MATR3: variants seen among roughly 807,000 people sequenced by gnomAD.
MATR3 encodes the protein matrin-3.
A neutral mutation model predicts 85.5 loss-of-function variants in MATR3; 4 were observed. The ratio of observed to expected loss-of-function variants is 0.05; its 90% CI spans 0.02 to 0.11. MATR3 has a LOEUF of 0.11. Among genes scored for constraint, MATR3 ranks in the 10% least tolerant of loss-of-function variants. The probability of loss-of-function intolerance (pLI) is 1.00; values close to 1 mark genes in which losing one functional copy is unlikely to be tolerated. For missense variants in MATR3, 685 were observed against 1,016.1 expected, an observed-to-expected ratio of 0.67 and a Z score of 4.43; for synonymous variants, 336 against 343.1, an observed-to-expected ratio of 0.98 and a Z score of 0.23.
chr5:139,278,232 A>T lies in MATR3; in HGVS notation c.-256-819A>T, dbSNP rs111877683. On this transcript the variant is annotated intron_variant, in intron 2 of 16. Coordinates refer to ENST00000509990, the Ensembl canonical transcript of MATR3. Reference sequence around the variant, plus strand: ...GACAGAGTGAGACCCTATCTCAAAAAATATATATATATATATACACACACA... The same window carrying T: ...GACAGAGTGAGACCCTATCTCAAAATATATATATATATATATACACACACA... The T allele has an allele frequency of 1.3e-3, 415 of 318,018 alleles. 2 individuals carry two copies. Among genetic ancestry groups the T allele is most frequent in the African/African-American group, 7.1e-3 (323 of 45,258 alleles). The allele number at this position is 318,018 out of a possible 1,614,324, so 19.7% of individuals were successfully genotyped here. A position where few individuals can be genotyped will look rare whatever the true frequency, so the allele number is the denominator to read the frequency against.
intron 2 of MATR3, chr5:139,278,920 TG>T (rs1393686639): frequency 1.9e-6 from 1 of 517,480 alleles, no homozygotes; most frequent in East Asian, 5.4e-5. Context: ...GGCAGTGTTT[TG>T]CACCTCTGAG....
intron 2 of MATR3, among the ~76,000 whole-genome samples, chr5:139,309,833 A>G (rs550157655): frequency 3.9e-5 from 6 of 152,174 alleles, no homozygotes; most frequent in Admixed American, 6.5e-5. Context: ...AAGGTCCATT[A>G]AACACTGGTG....
At chr5:139,317,573 G>C in intron 6 of MATR3, 23 bp from the exon 7 acceptor site, 2 of 1,611,094 alleles carry the variant, frequency 1.2e-6, no homozygotes, top group Non-Finnish European at 8.5e-7. Context: ...TTAATTGCTT[G>C]GTTTTTTTCC....
chr5:139,293,716 A>C (rs1218391304), upstream of MATR3: 1 of 347,662 alleles, frequency 2.9e-6, no homozygotes, highest in Non-Finnish European at 5.2e-6. Flanking sequence ...GCTTCTCGCC[A>C]GCGCCGTTGC....
rs1471324845 is a variant in MATR3, at chr5:139,329,594, T to C, written c.*199T>C. On this transcript the variant is annotated 3_prime_UTR_variant, in exon 15 of 15. Coordinates refer to ENST00000394805, the MANE Select transcript of MATR3 (RefSeq NM_018834.6). ...CATATGGTTAAGTTAATGAATAGTT[T>C]TTGTTTTATCAGAATGGCAACAGAC... 6.8e-6 allele frequency: 4 copies of C among 585,022 alleles called. No homozygotes were observed. The highest frequency in any genetic ancestry group is 3.7e-5 in the African/African-American group (2 of 54,012). The allele number at this position is 585,022 out of a possible 1,614,324, so 36.2% of individuals were successfully genotyped here.
chr5:139,276,798 C>T (rs1753293508), intron 2 of MATR3, among the ~76,000 whole-genome samples: 3 of 152,266 alleles, frequency 2.0e-5, no homozygotes, highest in South Asian at 2.1e-4. Context: ...CTACTACCCA[C>T]CATAAAAGCT....
chr5:139,284,278 A>T (rs984779647), intron 3 of MATR3, among the ~76,000 whole-genome samples: 1 of 152,194 alleles, frequency 6.6e-6, no homozygotes, highest in Non-Finnish European at 1.5e-5. Context: ...TAACAATATC[A>T]CCTATAGGAA....
At chr5:139,325,317 G>A in intron 12 of MATR3, 123 bp from the exon 13 acceptor site, 2 of 1,566,378 alleles carry the variant, frequency 1.3e-6, no homozygotes, top group Non-Finnish European at 1.7e-6. Context: ...AGGGAGTATG[G>A]AAGGTTTTGT....
At chr5:139,325,296 C>G in intron 12 of MATR3, 144 bp from the exon 13 acceptor site, 1 of 1,554,240 alleles carries the variant, frequency 6.4e-7, no homozygotes. Context: ...TTCTTAACAG[C>G]GTCGTTTTCC....
intron 2 of MATR3, chr5:139,314,322 A>G (rs2151979388): frequency 3.2e-6 from 1 of 310,976 alleles, no homozygotes; most frequent in African/African-American, 2.1e-5. Context: ...AGTAGCATAC[A>G]ATGAATACTT....
intron 2 of MATR3, among the ~76,000 whole-genome samples, chr5:139,276,972 T>A (rs1753300656): frequency 6.6e-6 from 1 of 152,192 alleles, no homozygotes; most frequent in Non-Finnish European, 1.5e-5. Context: ...ATTTCTCCTT[T>A]GGGCTGACAG....
chr5:139,288,225 C>G (rs2151898043), intron 3 of MATR3, among the ~76,000 whole-genome samples: 1 of 152,232 alleles, frequency 6.6e-6, no homozygotes, highest in East Asian at 1.9e-4. Flanking sequence ...AACAAACAAA[C>G]CAACAAACAA....
At chr5:139,275,968 T>A (rs1174033895) in intron 1 of MATR3, 8 of 450,584 alleles carry the variant, frequency 1.8e-5, no homozygotes, top group Non-Finnish European at 3.6e-5. Context: ...TAACAAGAGA[T>A]GAAAACAAAG....
rs904431726 is a variant in MATR3, at chr5:139,330,612, A to G, written c.*1217A>G. On this transcript the variant is annotated 3_prime_UTR_variant, in exon 15 of 15. Coordinates refer to ENST00000394805, the MANE Select transcript of MATR3 (RefSeq NM_018834.6). ...CTGTTACATAACTAAAAGTGAGGCC[A>G]TTTGTGGTTTTTAAAAACCTTATGA... 3 of 454,126 alleles carry G rather than the reference A, an allele frequency of 6.6e-6. No individual in the cohort carries two copies. Among genetic ancestry groups the G allele is most frequent in the Admixed American group, 4.7e-5 (2 of 42,574 alleles). 28.1% of individuals were successfully genotyped at this position (454,126 alleles called of 1,614,324 possible). A position where few individuals can be genotyped will look rare whatever the true frequency, so the allele number is the denominator to read the frequency against.
At chr5:139,314,433 T>G (rs1755146249) in intron 2 of MATR3, 3 of 460,390 alleles carry the variant, frequency 6.5e-6, no homozygotes, top group Non-Finnish European at 1.2e-5. Flanking sequence ...GTCAAATATC[T>G]TAAGTATGTT....
Position 139,329,697 on chromosome 5 carries a change from T to C in MATR3, c.*302T>C, listed in dbSNP as rs1306704649. 2.1e-6 allele frequency: 1 copy of C among 469,576 alleles called. No homozygotes were observed. The highest frequency in any genetic ancestry group is 6.4e-5 in the East Asian group (1 of 15,726). 29.1% of individuals were successfully genotyped at this position (469,576 alleles called of 1,614,324 possible). On this transcript the variant is annotated 3_prime_UTR_variant, in exon 15 of 15. Coordinates refer to ENST00000394805, the MANE Select transcript of MATR3 (RefSeq NM_018834.6). ...ACTAAGAAAAAAATGTAGAACCATTTGGAAAAATGAAATTTAGTAGTTCCA... is the reference window on the plus strand; with the variant it reads ...ACTAAGAAAAAAATGTAGAACCATTCGGAAAAATGAAATTTAGTAGTTCCA...
intron 9 of MATR3, 30 bp downstream of exon 9, chr5:139,319,531 A>C: frequency 6.4e-7 from 1 of 1,574,438 alleles, no homozygotes; most frequent in South Asian, 1.1e-5. Flanking sequence ...TTTAGAGAAG[A>C]TAATTTATTA....
At chr5:139,326,750 C>G (rs753005104) in intron 14 of MATR3, among the ~76,000 whole-genome samples, 1 of 152,064 alleles carries the variant, frequency 6.6e-6, no homozygotes, top group Non-Finnish European at 1.5e-5. Context: ...GATGGGTTAT[C>G]AAAACATCTG....
chr5:139,292,413 T>C (rs946644347), upstream of MATR3, among the ~76,000 whole-genome samples: 12 of 152,308 alleles, frequency 7.9e-5, 1 homozygote, highest in Admixed American at 7.8e-4. Flanking sequence ...TTAACTGTGC[T>C]GGAAAATTCC....
Sources: allele counts gnomAD v4.1 joint callset (sites outside exome capture counted in the v4.1 genomes callset), GRCh38; gene constraint gnomAD v4.1.1; transcripts MANE v1.5; gene names NCBI Gene and HGNC (gene_info 2026-07-23, HGNC 2026-07-21).